The following ZNF91 variants were observed in gnomAD, a reference collection of about 807,000 sequenced individuals.
ZNF91 encodes zinc finger protein 91.
A neutral mutation model predicts 12.6 loss-of-function variants in ZNF91; 7 were observed. The observed-to-expected ratio is 0.55, with a 90% CI of 0.31 to 1.04. The LOEUF is 1.04. Among genes scored for constraint, ZNF91 ranks in the 50% least tolerant of loss-of-function variants. ZNF91 has a pLI of 0.05. For synonymous variants in ZNF91, 453 were observed against 462.6 expected (o/e 0.98, Z 0.27); for missense variants, 1,217 against 1,385.4 (o/e 0.88, Z 1.93).
Position 23,362,054 on chromosome 19 carries a change from G to A in ZNF91, c.925C>T (p.Leu309Phe), listed in dbSNP as rs1467438392. The A allele has an allele frequency of 5.6e-6, 9 of 1,613,850 alleles. No individual in the cohort carries two copies. Among genetic ancestry groups the A allele is most frequent in the East Asian group, 4.5e-5 (2 of 44,840 alleles). Reference sequence around the variant, plus strand: ...GTATGAATTCTCTTATGTTTAGCAAGGGTTGAAGAATGGCTAAAAGCTTTG... The same window carrying A: ...GTATGAATTCTCTTATGTTTAGCAAAGGTTGAAGAATGGCTAAAAGCTTTG... ...CGKAFSHSST[L>F]AKHKRIHTGE... Residue 309 changes from leucine (L) to phenylalanine (F), a missense_variant, in exon 4 of 4, where the codon CTT becomes TTT. Around this residue, in one of 2 missense-constraint regions of ZNF91, gnomAD observed 726 missense variants for 895.5 expected, o/e 0.81. Transcript: ENST00000300619.
chr19:23,367,555 G>A (rs296082), intron 3 of ZNF91, among the ~76,000 whole-genome samples: 15,787 of 152,070 alleles, frequency 0.1, 1,255 homozygotes, highest in East Asian at 0.37. Flanking sequence ...AAGAAATACT[G>A]TTTGAGATGT....
chr19:23,377,120 T>A (rs974622574), intron 1 of ZNF91, among the ~76,000 whole-genome samples: 4 of 151,910 alleles, frequency 2.6e-5, no homozygotes, highest in African/African-American at 7.3e-5. Context: ...GCTACGGACA[T>A]CAGCAATTTC....
chr19:23,323,745 CCT>C (rs571797699), intron 1 of ZNF91, among the ~76,000 whole-genome samples: 114 of 106,020 alleles, frequency 1.1e-3, no homozygotes, highest in Middle Eastern at 4.3e-3. Flanking sequence ...ATTCTCCTCT[CCT>C]CTTTTTCTCA....
chr19:23,317,541 T>C (rs1691111915), intron 1 of ZNF91, among the ~76,000 whole-genome samples: 1 of 152,190 alleles, frequency 6.6e-6, no homozygotes, highest in South Asian at 2.1e-4. Context: ...ATGAGTTTCC[T>C]GACAAGGCAC....
At chr19:23,388,852 G>A (rs1265824527) in intron 1 of ZNF91, among the ~76,000 whole-genome samples, 1 of 150,262 alleles carries the variant, frequency 6.7e-6, no homozygotes, top group Non-Finnish European at 1.5e-5. Flanking sequence ...CCAGCCTGGT[G>A]ACAAGAGTGA....
intron 3 of ZNF91, among the ~76,000 whole-genome samples, chr19:23,371,927 G>T (rs1969293708): frequency 6.6e-6 from 1 of 152,120 alleles, no homozygotes; most frequent in Non-Finnish European, 1.5e-5. Flanking sequence ...TTCAAGTTTA[G>T]AACCAACTAT....
At chr19:23,326,971 A>G (rs989272100) in intron 1 of ZNF91, 1 of 152,214 alleles carries the variant, frequency 6.6e-6, no homozygotes, top group African/African-American at 2.4e-5. Context: ...TTGAACTTCA[A>G]ATTCAATAGG....
intron 3 of ZNF91, among the ~76,000 whole-genome samples, chr19:23,373,044 C>A (rs1330951341): frequency 6.6e-6 from 1 of 152,140 alleles, no homozygotes; most frequent in African/African-American, 2.4e-5. Flanking sequence ...CTTGTGCAAA[C>A]CCAGCAGACT....
At chr19:23,371,889 A>G (rs991523273) in intron 3 of ZNF91, among the ~76,000 whole-genome samples, 22 of 152,210 alleles carry the variant, frequency 1.4e-4, no homozygotes, top group African/African-American at 4.8e-4. Context: ...AATATGTGCT[A>G]TTTTTACACA....
At position 23,381,728 on chromosome 19, in the gene ZNF91, G is replaced by A. The variant is rs952297005; in HGVS notation, c.31-6964C>T. ...GCCCGACTTGGCCTCCCAAAGTGCT[G>A]GGATTACCAGCATGAGCCACCGCGC... On this transcript the variant is annotated intron_variant, in intron 1 of 3. Coordinates refer to ENST00000300619, the MANE Select transcript of ZNF91 (RefSeq NM_003430.4). Among the ~76,000 whole-genome samples, 9 of 151,944 alleles carry A rather than the reference G, an allele frequency of 5.9e-5. 1 individual carries two copies. Among genetic ancestry groups the A allele is most frequent in the Admixed American group, 2.0e-4 (3 of 15,258 alleles).
chr19:23,368,236 G>A (rs931523793), intron 3 of ZNF91, among the ~76,000 whole-genome samples: 2 of 152,044 alleles, frequency 1.3e-5, no homozygotes, highest in African/African-American at 4.8e-5. Context: ...GGGAGGCAGG[G>A]CACTGTGGCT....
At chr19:23,316,221 C>T (rs1447983648) in intron 1 of ZNF91, among the ~76,000 whole-genome samples, 2 of 146,416 alleles carry the variant, frequency 1.4e-5, no homozygotes, top group African/African-American at 5.1e-5. Context: ...TGACATATTG[C>T]TGGGCCCAAT....
intron 3 of ZNF91, chr19:23,305,169 A>C (rs1967381358): frequency 6.6e-6 from 1 of 152,232 alleles, no homozygotes; most frequent in Admixed American, 6.5e-5. Flanking sequence ...TCCTTTGCAC[A>C]CTTTAACTTG....
intron 1 of ZNF91, among the ~76,000 whole-genome samples, chr19:23,318,945 G>A (rs1370574538): frequency 1.3e-5 from 2 of 152,172 alleles, no homozygotes; most frequent in African/African-American, 4.8e-5. Context: ...TCTGGACTCT[G>A]ATCACTGTTG....
Position 23,322,742 on chromosome 19 carries a change from C to G in ZNF91, n.117-13645G>C, listed in dbSNP as rs376468497. Among the ~76,000 whole-genome samples the G allele has an allele frequency of 2.0e-5, 3 of 146,870 alleles. 1 individual carries two copies. Among genetic ancestry groups the G allele is most frequent in the Non-Finnish European group, 4.5e-5 (3 of 66,576 alleles). On this transcript the variant is annotated intron_variant and non_coding_transcript_variant, in intron 1 of 1. Coordinates refer to the ZNF91 transcript ENST00000596528. ...TCCTCTCCTCATCTCTTCTTCCTCC[C>G]CATTCATGTTCTCCTGCTCCTTTTT... is the stretch of plus-strand genomic sequence containing the variant.
At chr19:23,382,973 A>G (rs1193306567) in intron 1 of ZNF91, among the ~76,000 whole-genome samples, 1 of 152,212 alleles carries the variant, frequency 6.6e-6, no homozygotes, top group Non-Finnish European at 1.5e-5. Context: ...ATTAAGAAAA[A>G]GTAACTTCTC....
Position 23,359,444 on chromosome 19 carries a change from C to T in ZNF91, c.3535G>A (p.Glu1179Lys), listed in dbSNP as rs754855227. 1 of 1,439,904 alleles carries T rather than the reference C, an allele frequency of 6.9e-7. No homozygotes were observed. Among genetic ancestry groups the T allele is most frequent in the Non-Finnish European group, 9.7e-7 (1 of 1,027,002 alleles). The allele number at this position is 1,439,904 out of a possible 1,614,324, so 89.2% of individuals were successfully genotyped here. ...EAGGSRGQEM[E>K]TILANTVKPL... is the part of the protein sequence containing the mutation. The stretch of plus-strand genomic sequence containing the variant: ...TTCACTGTGTTAGCCAGGATGGTCT[C>T]CATCTCCTGACCTCGTGATCCGCCC... Residue 1179 changes from glutamate to lysine, a missense_variant, in exon 4 of 4, where the codon GAG (glutamate) becomes AAG (lysine). Physicochemically the swap from Glu to Lys is moderately conservative, Grantham distance 56. Transcript: ENST00000300619.
intron 1 of ZNF91, among the ~76,000 whole-genome samples, chr19:23,316,620 C>T (rs1328749161): frequency 1.3e-5 from 2 of 152,182 alleles, no homozygotes; most frequent in African/African-American, 4.8e-5. Flanking sequence ...TCCCTACCCA[C>T]AGGTAAGACT....
chr19:23,390,985 T>C (rs765520371), intron 1 of ZNF91, among the ~76,000 whole-genome samples: 5 of 152,270 alleles, frequency 3.3e-5, no homozygotes, highest in Non-Finnish European at 4.4e-5. Flanking sequence ...CATGTGTCTT[T>C]ATGAGAGAAT....
Sources: allele counts gnomAD v4.1 joint callset (sites outside exome capture counted in the v4.1 genomes callset), GRCh38; gene constraint gnomAD v4.1.1; regional missense constraint gnomAD v4.1.1; transcripts MANE v1.5; gene names NCBI Gene and HGNC (gene_info 2026-07-23, HGNC 2026-07-21).